The following KIDINS220 variants were observed in gnomAD, a reference collection of about 807,000 sequenced individuals.
KIDINS220 encodes kinase D interacting substrate 220.
Under a neutral mutation model 157.6 loss-of-function variants are expected in KIDINS220, and 63 were observed. The observed-to-expected ratio is 0.40, with a 90% CI of 0.33 to 0.49. The LOEUF (loss-of-function observed/expected upper bound fraction) is 0.49, where lower values mean the gene tolerates loss of function less well. Ranked by LOEUF, KIDINS220 falls within the 20% of genes least tolerant of loss-of-function variation. KIDINS220 has a pLI of 0.66. For synonymous variants in KIDINS220, 732 were observed against 783.6 expected, an observed-to-expected ratio of 0.93 and a Z score of 1.10; for missense variants, 1,772 against 2,171.2, an observed-to-expected ratio of 0.82 and a Z score of 3.65.
In KIDINS220 at chr2:8,785,946, G is replaced by A. The variant is rs1252810215; in HGVS notation, c.2024C>T (p.Thr675Ile). 5.0e-6 allele frequency: 8 copies of A among 1,613,792 alleles called. No individual in the cohort carries two copies. The highest frequency in any genetic ancestry group is 6.8e-6 in the Non-Finnish European group (8 of 1,179,844). ...GTCAACTCTAAATATAGCCAGAAGAGTAATTCCAGATATAATGCAGCCAAT... is the reference window on the plus strand; with the variant it reads ...GTCAACTCTAAATATAGCCAGAAGAATAATTCCAGATATAATGCAGCCAAT... ...FIIGCIISGI[T>I]LLAIFRVDPK... The change falls in exon 17 of 30, where the codon ACT becomes ATT. Residue 675 changes from threonine to isoleucine, a missense_variant. Transcript: ENST00000256707.
Position 8,730,170 on chromosome 2 carries a change from A to C in KIDINS220, c.*550T>G, listed in dbSNP as rs1026249094. On this transcript the variant is annotated 3_prime_UTR_variant, in exon 30 of 30. Coordinates refer to ENST00000256707, the MANE Select transcript of KIDINS220 (RefSeq NM_020738.4). Reference sequence around the variant, plus strand: ...AAGCCCTCTTCATTATGTACTTCCTACTCTTCAGAACCTCTGTGATAAGCA... The same window carrying C: ...AAGCCCTCTTCATTATGTACTTCCTCCTCTTCAGAACCTCTGTGATAAGCA... 1.2e-5 allele frequency: 12 copies of C among 985,082 alleles called. No individual in the cohort carries two copies. In the African/African-American group the frequency reaches 1.9e-4, roughly 16 times the overall value. 61.0% of individuals were successfully genotyped at this position (985,082 alleles called of 1,614,324 possible). A position where few individuals can be genotyped will look rare whatever the true frequency, so the allele number is the denominator to read the frequency against.
chr2:8,740,323 C>T (rs1665453016), intron 26 of KIDINS220: 1 of 209,376 alleles, frequency 4.8e-6, no homozygotes, highest in Non-Finnish European at 8.3e-6. Context: ...CCACGGACAA[C>T]AGCACACAGC....
chr2:8,827,916 CAGCAGGTCTGAGTG>C (rs1460555388), intron 1 of KIDINS220, among the ~76,000 whole-genome samples: 1 of 152,184 alleles, frequency 6.6e-6, no homozygotes, highest in African/African-American at 2.4e-5. Flanking sequence ...GATTCTGACT[CAGCAGGTCTGAGTG>C]GGGCCCCTGA....
At chr2:8,788,910 C>T in intron 14 of KIDINS220, 98 bp from the exon 15 acceptor site, 2 of 1,043,738 alleles carry the variant, frequency 1.9e-6, no homozygotes, top group Non-Finnish European at 2.8e-6. Flanking sequence ...GCTAAGCTTA[C>T]ATAGCTTCCT....
chr2:8,772,041 TG>T (rs1670308764), intron 21 of KIDINS220, among the ~76,000 whole-genome samples: 1 of 152,044 alleles, frequency 6.6e-6, no homozygotes, highest in South Asian at 2.1e-4. Flanking sequence ...CAAGTTAGTC[TG>T]GTGGGAAGGC....
Position 8,786,376 on chromosome 2 carries a change from T to C in KIDINS220, c.1788-19A>G. The C allele has an allele frequency of 1.3e-6, 2 of 1,593,638 alleles. No individual in the cohort carries two copies. The highest frequency in any genetic ancestry group is 2.2e-5 in the South Asian group (2 of 89,940). On this transcript the variant is annotated intron_variant, in intron 15 of 29. Transcript: ENST00000256707. ...CAAAAACCTTGAAGAAAAGAACAAATCAAACATTACTTTATTATCTAAAGT... is the reference window on the plus strand; with the variant it reads ...CAAAAACCTTGAAGAAAAGAACAAACCAAACATTACTTTATTATCTAAAGT...
intron 22 of KIDINS220, among the ~76,000 whole-genome samples, chr2:8,764,941 G>A (rs1023826473): frequency 1.9e-4 from 29 of 152,144 alleles, no homozygotes; most frequent in African/African-American, 7.0e-4. Context: ...ATGCAAATAT[G>A]TATAAGAAGG....
At chr2:8,737,786 G>A (rs973368831) in intron 26 of KIDINS220, among the ~76,000 whole-genome samples, 2 of 152,230 alleles carry the variant, frequency 1.3e-5, no homozygotes, top group Non-Finnish European at 2.9e-5. Flanking sequence ...TTTAGAGGGT[G>A]CATCAGCCTG....
intron 2 of KIDINS220, 134 bp from the exon 3 acceptor site, chr2:8,818,927 G>C: frequency 2.3e-6 from 1 of 437,124 alleles, no homozygotes; most frequent in Non-Finnish European, 4.1e-6. Context: ...ATTTAATTTA[G>C]AAACAGCTTT....
intron 3 of KIDINS220, 72 bp from the exon 4 acceptor site, chr2:8,817,788 T>G (rs1677299784): frequency 6.2e-6 from 6 of 971,102 alleles, no homozygotes; most frequent in Non-Finnish European, 7.9e-6. Flanking sequence ...AAACTACATT[T>G]GAACTTACAT....
intron 29 of KIDINS220, among the ~76,000 whole-genome samples, chr2:8,732,754 T>C (rs1041037523): frequency 2.6e-5 from 4 of 152,098 alleles, no homozygotes; most frequent in Admixed American, 2.6e-4. Context: ...AAGGCGCTGC[T>C]CCTCCTCACC....
intron 22 of KIDINS220, among the ~76,000 whole-genome samples, chr2:8,754,515 TAA>T (rs1667752241): frequency 1.3e-5 from 2 of 152,226 alleles, no homozygotes; most frequent in Non-Finnish European, 2.9e-5. Flanking sequence ...TGCCAGCAGT[TAA>T]ATGGCCCAAA....
At chr2:8,763,788 C>G (rs1039262671) in intron 22 of KIDINS220, among the ~76,000 whole-genome samples, 5 of 152,086 alleles carry the variant, frequency 3.3e-5, no homozygotes. Context: ...CAAAGCAACT[C>G]CACCAGAATG....
chr2:8,813,249 A>T lies in KIDINS220; in HGVS notation c.393T>A (p.Ser131Arg). 1 of 1,612,198 alleles carries T rather than the reference A, an allele frequency of 6.2e-7. No individual in the cohort carries two copies. Among genetic ancestry groups the T allele is most frequent in the Non-Finnish European group, 8.5e-7 (1 of 1,179,230 alleles). Reference sequence around the variant, plus strand: ...TGTTAATGCTTACCAGACCAGTGACACTTGGATTGGCACCATGAGAAAGAA... The same window carrying T: ...TGTTAATGCTTACCAGACCAGTGACTCTTGGATTGGCACCATGAGAAAGAA... ...ELLLSHGANP[S>R]VTGLYSVYPI... Residue 131 changes from serine (S) to arginine (R), a missense_variant, in exon 5 of 30, where the codon AGT (serine) becomes AGA (arginine). This residue lies in a region of KIDINS220 where 254 missense variants were observed against 268.6 expected (regional missense o/e 0.95). Coordinates refer to ENST00000256707, the MANE Select transcript of KIDINS220 (RefSeq NM_020738.4).
chr2:8,769,494 T>G (rs959135186), intron 22 of KIDINS220, among the ~76,000 whole-genome samples: 6 of 152,176 alleles, frequency 3.9e-5, no homozygotes, highest in African/African-American at 1.4e-4. Context: ...ACAACAATCT[T>G]GAGGATAGAT....
At chr2:8,837,068 T>C (rs1203442595) in intron 1 of KIDINS220, among the ~76,000 whole-genome samples, 1 of 151,860 alleles carries the variant, frequency 6.6e-6, no homozygotes, top group Non-Finnish European at 1.5e-5. Flanking sequence ...TCCCGGCCCG[T>C]GGAAGCCTAG....
intron 22 of KIDINS220, among the ~76,000 whole-genome samples, chr2:8,764,103 G>A (rs1457052512): frequency 6.6e-6 from 1 of 152,146 alleles, no homozygotes; most frequent in Non-Finnish European, 1.5e-5. Flanking sequence ...CAACTTGGAT[G>A]GAGCTTGAGG....
chr2:8,741,513 G>A (rs1244757513), intron 26 of KIDINS220, among the ~76,000 whole-genome samples: 2 of 152,172 alleles, frequency 1.3e-5, no homozygotes, highest in Admixed American at 1.3e-4. Flanking sequence ...CCAGGAGGTG[G>A]AGGTTGCAGT....
intron 26 of KIDINS220, among the ~76,000 whole-genome samples, chr2:8,744,673 A>G (rs1666302466): frequency 6.6e-6 from 1 of 151,728 alleles, no homozygotes; most frequent in African/African-American, 2.4e-5. Flanking sequence ...TGGGCTACAC[A>G]TACTTTTCTG....
Sources: gnomAD v4.1 joint callset for allele counts (sites outside exome capture counted in the v4.1 genomes callset) on GRCh38, gnomAD v4.1.1 for gene constraint, gnomAD v4.1.1 regional missense constraint, MANE v1.5 for transcripts, NCBI Gene and HGNC (gene_info 2026-07-23, HGNC 2026-07-21) for gene names.